PTPN12: variants seen among roughly 807,000 people sequenced by gnomAD.
PTPN12 encodes the protein tyrosine-protein phosphatase non-receptor type 12.
In PTPN12, 29 loss-of-function variants were observed where a neutral mutation model predicts 97.6. The observed-to-expected ratio is 0.30, with a 90% CI of 0.22 to 0.41. PTPN12 has a LOEUF of 0.41. Among genes scored for constraint, PTPN12 ranks in the 10% least tolerant of loss-of-function variants. The pLI, the probability that PTPN12 is intolerant of heterozygous loss-of-function variation, is 1.00. For missense variants in PTPN12, 819 were observed against 926.0 expected (o/e 0.88, Z 1.50); for synonymous variants, 327 against 300.4 (o/e 1.09, Z -0.91).
chr7:77,603,371 A>C (rs1231119634), intron 8 of PTPN12, among the ~76,000 whole-genome samples: 2 of 152,248 alleles, frequency 1.3e-5, no homozygotes, highest in Non-Finnish European at 2.9e-5. Context: ...GACTTAGAAA[A>C]CACATCCATA....
intron 12 of PTPN12, among the ~76,000 whole-genome samples, 168 bp from the exon 13 acceptor site, chr7:77,626,537 A>G (rs1424407602): frequency 6.6e-6 from 1 of 152,192 alleles, no homozygotes; most frequent in Non-Finnish European, 1.5e-5. Context: ...TAAACAGTAT[A>G]TGTGTATTAC....
chr7:77,567,308 T>G (rs1686621888), intron 1 of PTPN12, among the ~76,000 whole-genome samples: 1 of 152,118 alleles, frequency 6.6e-6, no homozygotes, highest in African/African-American at 2.4e-5. Flanking sequence ...TCTTTATATA[T>G]TTATCATAAG....
At chr7:77,569,570 A>G (rs1808390723) in intron 1 of PTPN12, among the ~76,000 whole-genome samples, 1 of 152,192 alleles carries the variant, frequency 6.6e-6, no homozygotes, top group African/African-American at 2.4e-5. Context: ...CAGGAGTTCA[A>G]GACCAGCCTG....
chr7:77,550,015 TC>T (rs1316578038), intron 1 of PTPN12, among the ~76,000 whole-genome samples: 1 of 152,250 alleles, frequency 6.6e-6, no homozygotes, highest in Non-Finnish European at 1.5e-5. Flanking sequence ...TAACTATAGT[TC>T]TTTTAGTTCA....
intron 12 of PTPN12, among the ~76,000 whole-genome samples, chr7:77,621,543 C>T (rs942053645): frequency 9.2e-5 from 14 of 152,044 alleles, no homozygotes; most frequent in African/African-American, 3.4e-4. Flanking sequence ...GTGGCGGGCA[C>T]CTGTAGTCTC....
chr7:77,603,489 T>G (rs1253416373), intron 8 of PTPN12, among the ~76,000 whole-genome samples: 1 of 152,236 alleles, frequency 6.6e-6, no homozygotes, highest in African/African-American at 2.4e-5. Flanking sequence ...CAGTATTGTT[T>G]TGTTTTATTT....
chr7:77,614,007 T>G (rs974736671), intron 11 of PTPN12, among the ~76,000 whole-genome samples: 1 of 152,138 alleles, frequency 6.6e-6, no homozygotes, highest in African/African-American at 2.4e-5. Flanking sequence ...TCCTCCTGCC[T>G]CAGCCTCCCA....
At chr7:77,637,869 A>AAAAC (rs1554330008) in intron 16 of PTPN12, among the ~76,000 whole-genome samples, 2 of 150,982 alleles carry the variant, frequency 1.3e-5, no homozygotes, top group South Asian at 2.1e-4. Flanking sequence ...AAAAAAAAAA[A>AAAAC]AAAAAAACAA....
Position 77,626,977 on chromosome 7 carries a change from A to AT in PTPN12, c.1301dup (p.Leu434PhefsTer4). ...CAGATAGATAAAAAATTGGAACGAA[A>AT]TTTAAGTTTTGAGATTAAGAAGGTC... On this transcript the variant is annotated frameshift_variant, in exon 13 of 18. Transcript: ENST00000248594. LOFTEE classifies it high-confidence loss of function. The AT allele has an allele frequency of 1.2e-6, 2 of 1,609,976 alleles. No homozygotes were observed. Among genetic ancestry groups the AT allele is most frequent in the Non-Finnish European group, 1.7e-6 (2 of 1,178,822 alleles).
chr7:77,598,977 A>T (rs1336442333), intron 7 of PTPN12, among the ~76,000 whole-genome samples: 1 of 151,304 alleles, frequency 6.6e-6, no homozygotes, highest in African/African-American at 2.4e-5. Flanking sequence ...CTATATAAAT[A>T]GTATACTATG....
intron 1 of PTPN12, among the ~76,000 whole-genome samples, chr7:77,558,866 C>T (rs985790758): frequency 2.6e-5 from 4 of 152,072 alleles, no homozygotes; most frequent in Non-Finnish European, 1.5e-5. Context: ...TAAAAATTAG[C>T]CAGATGTCAT....
At position 77,637,944 on chromosome 7, in the gene PTPN12, AATTTTTTTT is replaced by A. The variant is rs1280227654; in HGVS notation, c.2174-679_2174-671del. Among the ~76,000 whole-genome samples, 16 of 89,504 alleles carry A rather than the reference AATTTTTTTT, an allele frequency of 1.8e-4. No individual in the cohort carries two copies. The South Asian group carries it at 4.7e-3, about 26-fold the overall frequency. The allele number at this position is 89,504 out of a possible 152,430, so 58.7% of individuals were successfully genotyped here. A position where few individuals can be genotyped will look rare whatever the true frequency, so the allele number is the denominator to read the frequency against. ...AACCCTGACCTTGTTGATTTCTTAA[AATTTTTTTT>A]TTTTTTTTTTTTTTTTTTTTTGAGA... On this transcript the variant is annotated intron_variant, in intron 16 of 17. Transcript: ENST00000248594.
At chr7:77,619,017 C>T (rs1425429643) in intron 12 of PTPN12, among the ~76,000 whole-genome samples, 1 of 152,082 alleles carries the variant, frequency 6.6e-6, no homozygotes, top group Non-Finnish European at 1.5e-5. Context: ...CATATATATT[C>T]ATATCTTTCT....
intron 1 of PTPN12, among the ~76,000 whole-genome samples, chr7:77,564,812 C>T (rs1307107434): frequency 3.5e-5 from 4 of 115,058 alleles, no homozygotes; most frequent in Non-Finnish European, 6.5e-5. Flanking sequence ...GGCTGGAGTG[C>T]AGTGGCACGA....
intron 1 of PTPN12, among the ~76,000 whole-genome samples, chr7:77,570,354 T>TCC: frequency 6.6e-6 from 1 of 152,380 alleles, no homozygotes; most frequent in South Asian, 2.1e-4. Flanking sequence ...GCTTTTAATA[T>TCC]GTCTTGAGGC....
At chr7:77,554,331 C>G (rs1213711785) in intron 1 of PTPN12, among the ~76,000 whole-genome samples, 4 of 152,128 alleles carry the variant, frequency 2.6e-5, no homozygotes, top group Middle Eastern at 3.2e-3. Context: ...AAATCCAAGT[C>G]CATTTTCAGG....
chr7:77,637,564 T>C (rs761455987), intron 16 of PTPN12, among the ~76,000 whole-genome samples: 1 of 152,030 alleles, frequency 6.6e-6, no homozygotes, highest in Non-Finnish European at 1.5e-5. Context: ...ACTTTAAAAG[T>C]GGAGTTATTA....
At chr7:77,564,754 T>TTTTG in intron 1 of PTPN12, among the ~76,000 whole-genome samples, 1 of 61,296 alleles carries the variant, frequency 1.6e-5, no homozygotes, top group Non-Finnish European at 3.0e-5. Flanking sequence ...GTGTTTTTTT[T>TTTTG]TTTTTTTTTT....
At chr7:77,585,414 G>T in intron 4 of PTPN12, 129 bp from the exon 5 acceptor site, 1 of 685,826 alleles carries the variant, frequency 1.5e-6, no homozygotes, top group South Asian at 2.0e-5. Flanking sequence ...ATTTAATATT[G>T]AAACTACTTT....
Sources: gnomAD v4.1 joint callset for allele counts (sites outside exome capture counted in the v4.1 genomes callset) on GRCh38, gnomAD v4.1.1 for gene constraint, MANE v1.5 for transcripts, NCBI Gene and HGNC (gene_info 2026-07-23, HGNC 2026-07-21) for gene names.